SMAD6: variants seen among roughly 807,000 people sequenced by gnomAD.
The protein encoded by SMAD6 is SMAD family member 6.
In SMAD6, 103 loss-of-function variants were observed where a neutral mutation model predicts 39.4. The ratio of observed to expected loss-of-function variants is 2.62; its 90% confidence interval spans 2.23 to 3.08. The LOEUF is 3.08. SMAD6 is among the 30% of genes most tolerant of loss of function. SMAD6 has a pLI of 0.00. For synonymous variants in SMAD6, 445 were observed against 353.3 expected, an observed-to-expected ratio of 1.26 and a Z score of -2.91; for missense variants, 1,104 against 742.9, an observed-to-expected ratio of 1.49 and a Z score of -5.65.
At chr15:66,739,447 T>C (rs1296163608) in intron 3 of SMAD6, among the ~76,000 whole-genome samples, 1 of 152,108 alleles carries the variant, frequency 6.6e-6, no homozygotes, top group Non-Finnish European at 1.5e-5. Flanking sequence ...GGAGCACGGG[T>C]GGGCAGGCAG....
chr15:66,721,854 A>G (rs1893438951), intron 3 of SMAD6, among the ~76,000 whole-genome samples: 2 of 152,188 alleles, frequency 1.3e-5, no homozygotes, highest in Admixed American at 1.3e-4. Context: ...GGAAGAAGGG[A>G]TTAGTGATCA....
intron 3 of SMAD6, chr15:66,717,091 C>T (rs778196902): frequency 8.5e-6 from 11 of 1,288,622 alleles, no homozygotes; most frequent in African/African-American, 3.0e-5. Flanking sequence ...TCATAGGGAC[C>T]CCTACATCCG....
rs773308777 is a variant in SMAD6 at position 66,703,364 on chromosome 15, G to C, written c.106G>C (p.Asp36His). Reference sequence around the variant, plus strand: ...CGGCGGCGGCGGTGGCGGCGACGAGGATGGGAGCTTGGGCAGCCGAGCTGA... The same window carrying C: ...CGGCGGCGGCGGTGGCGGCGACGAGCATGGGAGCTTGGGCAGCCGAGCTGA... ...GSGGGGGGDE[D>H]GSLGSRAEPA... Residue 36 changes from aspartate (D) to histidine (H), a missense_variant, in exon 1 of 4, where the codon GAT (aspartate) becomes CAT (histidine). By Grantham distance (81) the Asp-to-His change is moderately conservative (BLOSUM62 -1). Coordinates refer to ENST00000288840, the MANE Select transcript of SMAD6 (RefSeq NM_005585.5). The C allele has an allele frequency of 6.8e-7, 1 of 1,475,526 alleles. No homozygotes were observed. Among genetic ancestry groups the C allele is most frequent in the East Asian group, 3.0e-5 (1 of 33,442 alleles). 91.4% of individuals were successfully genotyped at this position (1,475,526 alleles called of 1,614,324 possible).
In SMAD6 at chr15:66,702,885, G is replaced by A. The variant is rs966984138; in HGVS notation, c.-374G>A. ...GTTCGCGCGAGCGCTTTGTGCTCAT[G>A]GACCAGCCGCACAACTTTTGAAGGC... On this transcript the variant is annotated 5_prime_UTR_variant, in exon 1 of 4. An upstream start codon of the reference 5' UTR is lost. Transcript: ENST00000288840. The A allele has an allele frequency of 6.2e-5, 12 of 193,104 alleles. No individual in the cohort carries two copies. The highest frequency in any genetic ancestry group is 1.6e-4 in the African/African-American group (7 of 43,040). The allele number at this position is 193,104 out of a possible 1,614,324, so 12.0% of individuals were successfully genotyped here. A position where few individuals can be genotyped will look rare whatever the true frequency, so the allele number is the denominator to read the frequency against.
Position 66,703,326 on chromosome 15 carries a change from AG to A in SMAD6, c.70del (p.Glu24LysfsTer40). ...LWRSRVVPDR[E>X]EGGSGGGGGG... ...CGAAGTCGTGTGGTCCCCGACCGGGAGGAAGGCGGCAGCGGCGGCGGCGGTG... is the reference window on the plus strand; with the variant it reads ...CGAAGTCGTGTGGTCCCCGACCGGGAGAAGGCGGCAGCGGCGGCGGCGGTG... On this transcript the variant is annotated frameshift_variant, in exon 1 of 4. Coordinates refer to ENST00000288840, the MANE Select transcript of SMAD6 (RefSeq NM_005585.5). LOFTEE classifies it high-confidence loss of function. The A allele has an allele frequency of 6.7e-7, 1 of 1,485,806 alleles. No individual in the cohort carries two copies. Among genetic ancestry groups the A allele is most frequent in the African/African-American group, 1.5e-5 (1 of 68,318 alleles). The allele number at this position is 1,485,806 out of a possible 1,614,324, so 92.0% of individuals were successfully genotyped here.
intron 3 of SMAD6, among the ~76,000 whole-genome samples, chr15:66,774,833 ATTTATTTTATTTTAT>A (rs61441715): frequency 0.26 from 38,402 of 146,000 alleles, 5,784 homozygotes; most frequent in African/African-American, 0.43. Context: ...CACTATTCTG[ATTTATTTTATTTTAT>A]TTTATTTTAT....
chr15:66,727,440 G>A (rs12913892), intron 3 of SMAD6, among the ~76,000 whole-genome samples: 33,203 of 152,126 alleles, frequency 0.22, 3,955 homozygotes, highest in Admixed American at 0.38. Context: ...GTGCCAGGGC[G>A]GCTGCCAGGG....
At chr15:66,776,407 C>T (rs1230672581) in intron 3 of SMAD6, among the ~76,000 whole-genome samples, 1 of 152,204 alleles carries the variant, frequency 6.6e-6, no homozygotes, top group Non-Finnish European at 1.5e-5. Context: ...GAGTGGGGTA[C>T]TTAATTATTG....
At chr15:66,711,591 C>G in intron 1 of SMAD6, 77 bp from the exon 2 acceptor site, 1 of 1,108,450 alleles carries the variant, frequency 9.0e-7, no homozygotes, top group African/African-American at 1.5e-5. Context: ...TTTGGGAAAC[C>G]AGTAATTAAA....
At chr15:66,769,267 T>C (rs1894341351) in intron 3 of SMAD6, among the ~76,000 whole-genome samples, 1 of 152,186 alleles carries the variant, frequency 6.6e-6, no homozygotes. Flanking sequence ...CTTAACGTAA[T>C]GCTGTGCTTT....
chr15:66,708,555 T>C (rs902746530), intron 1 of SMAD6: 1 of 356,212 alleles, frequency 2.8e-6, no homozygotes, highest in Non-Finnish European at 5.9e-6. Flanking sequence ...AAATGAAATA[T>C]GGTACGTCCG....
chr15:66,730,352 C>T (rs1893605704), intron 3 of SMAD6, among the ~76,000 whole-genome samples: 1 of 152,180 alleles, frequency 6.6e-6, no homozygotes, highest in South Asian at 2.1e-4. Flanking sequence ...CCTTCCTTCT[C>T]CAGGAAGCCT....
chr15:66,743,409 G>C (rs892091008), intron 3 of SMAD6, among the ~76,000 whole-genome samples: 2 of 136,530 alleles, frequency 1.5e-5, no homozygotes, highest in African/African-American at 2.5e-5. Flanking sequence ...GTACATACCT[G>C]AAAAAGCTTT....
Position 66,781,074 on chromosome 15 carries a change from G to GGC in SMAD6, c.1031_1032dup (p.Arg345AlafsTer195). 1 of 1,606,050 alleles carries GGC rather than the reference G, an allele frequency of 6.2e-7. No homozygotes were observed. The highest frequency in any genetic ancestry group is 8.5e-7 in the Non-Finnish European group (1 of 1,179,016). On this transcript the variant is annotated frameshift_variant, in exon 4 of 4. Coordinates refer to ENST00000288840, the MANE Select transcript of SMAD6 (RefSeq NM_005585.5). LOFTEE classifies it high-confidence loss of function. Reference sequence around the variant, plus strand: ...GTACTGGGAGCACCGGACGCGCGTGGGCCGCCTCTATGCGGTGTACGACCA... The same window carrying GGC: ...GTACTGGGAGCACCGGACGCGCGTGGGCGCCGCCTCTATGCGGTGTACGACCA...
At chr15:66,737,449 G>A (rs909507177) in intron 3 of SMAD6, among the ~76,000 whole-genome samples, 2 of 152,186 alleles carry the variant, frequency 1.3e-5, no homozygotes, top group East Asian at 1.9e-4. Context: ...CACCCACTTT[G>A]CTGCTAGCTC....
In SMAD6 at chr15:66,746,996, G is replaced by A. The variant is rs77888139; in HGVS notation, c.952+30498G>A. 7.8e-3 allele frequency among the ~76,000 whole-genome samples: 1,191 copies of A among 152,332 alleles called. 3 individuals are homozygous for A. Among genetic ancestry groups the A allele is most frequent in the Non-Finnish European group, 0.011 (744 of 68,024 alleles). ...GTATTAATAAGGGAAGAGTATGTTT[G>A]AGTGACTTTCTGGGATATTGTGCTT... On this transcript the variant is annotated intron_variant, in intron 3 of 3. Coordinates refer to ENST00000288840, the MANE Select transcript of SMAD6 (RefSeq NM_005585.5).
chr15:66,746,668 T>C (rs1358628027), intron 3 of SMAD6, among the ~76,000 whole-genome samples: 30 of 152,192 alleles, frequency 2.0e-4, no homozygotes, highest in Non-Finnish European at 4.4e-5. Context: ...ATCCTGAGTT[T>C]TGTCAAGCTG....
intron 3 of SMAD6, among the ~76,000 whole-genome samples, chr15:66,737,752 G>A (rs1199607466): frequency 6.6e-6 from 1 of 151,776 alleles, no homozygotes; most frequent in Middle Eastern, 3.2e-3. Flanking sequence ...TGCAATTCCA[G>A]CTTCAGGCCT....
In SMAD6 at chr15:66,781,527, C is replaced by T. The variant is rs768696498; in HGVS notation, c.1483C>T (p.Pro495Ser). 1.3e-6 allele frequency: 2 copies of T among 1,528,110 alleles called. No individual in the cohort carries two copies. Among genetic ancestry groups the T allele is most frequent in the Non-Finnish European group, 1.8e-6 (2 of 1,142,804 alleles). The allele number at this position is 1,528,110 out of a possible 1,614,324, so 94.7% of individuals were successfully genotyped here. ...PCWLEILLNNPR is the reference protein window; with the variant it reads ...PCWLEILLNNSR ...CTGGCTGGAGATCCTCCTCAACAAC[C>T]CCAGATAGTGGCGGCCCCGGCGGGA... is the stretch of plus-strand genomic sequence containing the variant. The change falls in exon 4 of 4, where the codon CCC becomes TCC. Residue 495 changes from proline to serine, a missense_variant. Transcript: ENST00000288840.
Sources: allele counts gnomAD v4.1 joint callset (sites outside exome capture counted in the v4.1 genomes callset), GRCh38; gene constraint gnomAD v4.1.1; transcripts MANE v1.5; gene names NCBI Gene and HGNC (gene_info 2026-07-23, HGNC 2026-07-21).